CAMK2A: variants seen among roughly 807,000 people sequenced by gnomAD.
CAMK2A encodes the protein calcium/calmodulin-dependent protein kinase type II subunit alpha.
CAMK2A carries 7 observed loss-of-function variants against 79.2 expected under a neutral mutation model. That is an observed-to-expected ratio of 0.09 (90% CI 0.05 to 0.17). The LOEUF is 0.17. CAMK2A is among the 10% of genes least tolerant of loss of function. The probability of loss-of-function intolerance (pLI) is 1.00; values close to 1 mark genes in which losing one functional copy is unlikely to be tolerated. For synonymous variants in CAMK2A, 242 were observed against 251.7 expected (o/e 0.96, Z 0.36); for missense variants, 214 against 646.4 (o/e 0.33, Z 7.25).
chr5:150,245,303 C>A (rs1430553666), intron 12 of CAMK2A, 102 bp from the exon 13 acceptor site: 37 of 1,110,568 alleles, frequency 3.3e-5, no homozygotes, highest in Non-Finnish European at 4.6e-5. Flanking sequence ...GGGCAGACTG[C>A]AGGGAGCAGA....
chr5:150,273,444 G>A (rs1482799324), intron 1 of CAMK2A, among the ~76,000 whole-genome samples: 1 of 152,202 alleles, frequency 6.6e-6, no homozygotes, highest in Non-Finnish European at 1.5e-5. Context: ...GAATCACGTA[G>A]TGTTAGAACC....
chr5:150,222,936 C>T, intron 18 of CAMK2A, 53 bp downstream of exon 18: 1 of 1,549,536 alleles, frequency 6.5e-7, no homozygotes, highest in South Asian at 1.1e-5. Flanking sequence ...CCCTCCAGGG[C>T]AACACTCCCA....
rs747059253 is a variant in CAMK2A at position 150,250,571 on chromosome 5, C to G, written c.816+117G>C. On this transcript the variant is annotated intron_variant, in intron 10 of 18. Transcript: ENST00000671881. ...CCCTGAGAACCACAGCAGGGGCAGT[C>G]TCTTGGATTAAGCCCTCTTGGCCCC... 7.1e-6 allele frequency: 10 copies of G among 1,403,628 alleles called. No individual in the cohort carries two copies. The South Asian group carries it at 1.1e-4, about 15-fold the overall frequency. 86.9% of individuals were successfully genotyped at this position (1,403,628 alleles called of 1,614,324 possible).
At chr5:150,279,760 G>T (rs577718315) in intron 1 of CAMK2A, among the ~76,000 whole-genome samples, 1 of 152,226 alleles carries the variant, frequency 6.6e-6, no homozygotes, top group Admixed American at 6.5e-5. Flanking sequence ...CCGGCACTTC[G>T]GCAGACAGAC....
rs552304221 is a variant in CAMK2A at position 150,252,566 on chromosome 5, T to A, written c.515-501A>T. On this transcript the variant is annotated intron_variant, in intron 7 of 18. Transcript: ENST00000671881. Reference sequence around the variant, plus strand: ...CCCTTGGGTACGTCTCTTTATCTTCTAGTCCTTGTTTCCTCATCTGTCAAA... The same window carrying A: ...CCCTTGGGTACGTCTCTTTATCTTCAAGTCCTTGTTTCCTCATCTGTCAAA... Among the ~76,000 whole-genome samples, 23 of 152,348 alleles carry A rather than the reference T, an allele frequency of 1.5e-4. 1 individual carries two copies. In the East Asian group the frequency reaches 3.3e-3, roughly 22 times the overall value.
At chr5:150,258,281 T>C (rs1252347199) in intron 3 of CAMK2A, among the ~76,000 whole-genome samples, 1 of 152,172 alleles carries the variant, frequency 6.6e-6, no homozygotes, top group Non-Finnish European at 1.5e-5. Context: ...CCTGAGCTAT[T>C]AGAAGGAAGG....
chr5:150,240,691 G>A (rs116157019), intron 13 of CAMK2A, among the ~76,000 whole-genome samples: 2,604 of 152,276 alleles, frequency 0.017, 39 homozygotes, highest in Middle Eastern at 0.031. Flanking sequence ...AGAAACTGAG[G>A]CCCAGAGAGG....
At chr5:150,276,514 C>T (rs1293790318) in intron 1 of CAMK2A, among the ~76,000 whole-genome samples, 1 of 152,196 alleles carries the variant, frequency 6.6e-6, no homozygotes, top group African/African-American at 2.4e-5. Context: ...GACAACTAGT[C>T]TCTCAAAGGT....
chr5:150,231,046 T>C (rs958651402), intron 16 of CAMK2A, among the ~76,000 whole-genome samples: 1 of 152,078 alleles, frequency 6.6e-6, no homozygotes, highest in Non-Finnish European at 1.5e-5. Context: ...TTTGTTGGAG[T>C]TCCTCCCAGG....
chr5:150,269,118 C>T (rs1484800810), intron 2 of CAMK2A, among the ~76,000 whole-genome samples: 2 of 152,040 alleles, frequency 1.3e-5, no homozygotes, highest in East Asian at 1.9e-4. Flanking sequence ...CAGCAGAGTC[C>T]CATGATGGTG....
At chr5:150,267,998 C>T (rs557540844) in intron 2 of CAMK2A, among the ~76,000 whole-genome samples, 469 of 152,020 alleles carry the variant, frequency 3.1e-3, no homozygotes, top group Non-Finnish European at 5.1e-3. Flanking sequence ...CTCAGCCTCC[C>T]GAGTAGCTGG....
chr5:150,250,712 T>C lies in CAMK2A; in HGVS notation c.792A>G (p.Glu264=). 6.2e-7 allele frequency: 1 copy of C among 1,614,084 alleles called. No homozygotes were observed. The highest frequency in any genetic ancestry group is 1.3e-5 in the African/African-American group (1 of 75,036). The change falls in exon 10 of 19, where the codon GAA becomes GAG. Residue 264 remains glutamate (E), a synonymous_variant. Coordinates refer to ENST00000671881, the MANE Select transcript of CAMK2A (RefSeq NM_015981.4). ...INPSKRITAA[E]ALKHPWISHR... The stretch of plus-strand genomic sequence containing the variant: ...CCGAGATCCAGGGGTGCTTAAGGGC[T>C]TCGGCAGCTGTGATGCGTTTGGATG...
Position 150,245,144 on chromosome 5 carries a change from C to A in CAMK2A, c.984+17G>T, listed in dbSNP as rs1239989782. On this transcript the variant is annotated intron_variant, in intron 13 of 18. Coordinates refer to ENST00000671881, the MANE Select transcript of CAMK2A (RefSeq NM_015981.4). ...GCTGCCAGAGCCAAGCCCTGCCAGGCTCCTGGAGGGGCTTACCTTCACACC... is the reference window on the plus strand; with the variant it reads ...GCTGCCAGAGCCAAGCCCTGCCAGGATCCTGGAGGGGCTTACCTTCACACC... 1 of 1,612,952 alleles carries A rather than the reference C, an allele frequency of 6.2e-7. No individual in the cohort carries two copies. The highest frequency in any genetic ancestry group is 8.5e-7 in the Non-Finnish European group (1 of 1,179,208).
At position 150,222,356 on chromosome 5, in the gene CAMK2A, C is replaced by A; in HGVS notation, c.*354G>T. 1.7e-6 allele frequency: 1 copy of A among 600,002 alleles called. No homozygotes were observed. The highest frequency in any genetic ancestry group is 2.9e-6 in the Non-Finnish European group (1 of 339,132). 37.2% of individuals were successfully genotyped at this position (600,002 alleles called of 1,614,324 possible). A position where few individuals can be genotyped will look rare whatever the true frequency, so the allele number is the denominator to read the frequency against. ...TCATGCCACCCCTCCTTCTCCCCAGCCCCTGGTGGGCACCAGCCCGGGCAT... is the reference window on the plus strand; with the variant it reads ...TCATGCCACCCCTCCTTCTCCCCAGACCCTGGTGGGCACCAGCCCGGGCAT... On this transcript the variant is annotated 3_prime_UTR_variant, in exon 19 of 19. Transcript: ENST00000671881.
rs1754374053 is a variant in CAMK2A, at chr5:150,222,668, G to C, written c.*42C>G. ...GCAGCTCCACTCCACGGACAGAGTG[G>C]ATCTCTGCGGCACAGCAACGCAGCG... On this transcript the variant is annotated 3_prime_UTR_variant, in exon 19 of 19. Transcript: ENST00000671881. 3.1e-5 allele frequency: 50 copies of C among 1,611,894 alleles called. No individual in the cohort carries two copies. The highest frequency in any genetic ancestry group is 4.2e-5 in the Non-Finnish European group (50 of 1,178,088).
At chr5:150,281,631 G>C (rs2150309436) in intron 1 of CAMK2A, among the ~76,000 whole-genome samples, 1 of 152,316 alleles carries the variant, frequency 6.6e-6, no homozygotes, top group South Asian at 2.1e-4. Flanking sequence ...GGTTAGAGGG[G>C]GTCCGACCTT....
intron 18 of CAMK2A, 120 bp from the exon 19 acceptor site, chr5:150,222,833 C>G: frequency 1.4e-6 from 2 of 1,417,534 alleles, no homozygotes; most frequent in Non-Finnish European, 2.0e-6. Context: ...CAGCTCTTCC[C>G]CCAGACCTGC....
chr5:150,289,426 G>C, intron 1 of CAMK2A, 138 bp downstream of exon 1: 1 of 688,224 alleles, frequency 1.5e-6, no homozygotes, highest in Non-Finnish European at 2.6e-6. Context: ...ACACAGGCAG[G>C]TGCCCCCAAA....
chr5:150,229,576 C>T (rs1754753771), intron 16 of CAMK2A, among the ~76,000 whole-genome samples: 1 of 152,132 alleles, frequency 6.6e-6, no homozygotes, highest in African/African-American at 2.4e-5. Context: ...GGGGTCAGAA[C>T]CTAGAGCAGG....
Sources: allele counts gnomAD v4.1 joint callset (sites outside exome capture counted in the v4.1 genomes callset), GRCh38; gene constraint gnomAD v4.1.1; transcripts MANE v1.5; gene names NCBI Gene and HGNC (gene_info 2026-07-23, HGNC 2026-07-21).